Variants in TOPAZ1 observed in about 807,000 individuals in gnomAD.
The protein encoded by TOPAZ1 is protein TOPAZ1.
In TOPAZ1, 66 loss-of-function variants were observed where a neutral mutation model predicts 172.2. The observed-to-expected ratio is 0.38, with a 90% CI of 0.31 to 0.47. The LOEUF is 0.47. Ranked by LOEUF, TOPAZ1 falls within the 20% of genes least tolerant of loss-of-function variation. TOPAZ1 has a pLI of 0.99. For synonymous variants in TOPAZ1, 681 were observed against 683.9 expected (o/e 1.00, Z 0.07); for missense variants, 1,822 against 1,972.4 (o/e 0.92, Z 1.44).
At chr3:44,255,668 TATACACACACACACACACAC>T (rs1699692367) in intron 3 of TOPAZ1, among the ~76,000 whole-genome samples, 1 of 30,312 alleles carries the variant, frequency 3.3e-5, no homozygotes, top group Non-Finnish European at 6.4e-5. Context: ...AAAAAATATA[TATACACACACACACACACAC>T]ACACACACAC....
At chr3:44,283,727 G>A (rs1431333645) in intron 9 of TOPAZ1, among the ~76,000 whole-genome samples, 11 of 152,068 alleles carry the variant, frequency 7.2e-5, no homozygotes. Flanking sequence ...ATATATGTGT[G>A]TGTACACACA....
Position 44,331,833 on chromosome 3 carries a change from C to G in TOPAZ1, c.4901C>G (p.Ala1634Gly). The change falls in exon 20 of 20, where the codon GCT becomes GGT. Residue 1634 changes from alanine (A) to glycine (G), a missense_variant. Ala to Gly is a moderately conservative substitution (Grantham distance 60). Around this residue, in one of 2 missense-constraint regions of TOPAZ1, gnomAD observed 333 missense variants for 481.7 expected, o/e 0.69. Transcript: ENST00000309765. ...NQSRSNDDYQ[A>G]AVERLIMAAR... ...TCTCGGAGCAATGATGATTATCAAG[C>G]TGCAGTAGAAAGGTTAATTATGGCT... 6.4e-7 allele frequency: 1 copy of G among 1,552,058 alleles called. No homozygotes were observed. The highest frequency in any genetic ancestry group is 8.7e-7 in the Non-Finnish European group (1 of 1,147,088).
chr3:44,320,214 A>C (rs1700493280), intron 16 of TOPAZ1, among the ~76,000 whole-genome samples: 1 of 152,142 alleles, frequency 6.6e-6, no homozygotes. Flanking sequence ...AGTTAATTTT[A>C]TTATTATGCT....
At chr3:44,257,805 A>C (rs1017291126) in intron 4 of TOPAZ1, among the ~76,000 whole-genome samples, 1 of 152,120 alleles carries the variant, frequency 6.6e-6, no homozygotes. Context: ...TATTTTATCA[A>C]ATATGCAGAT....
rs1699536713 is a variant in TOPAZ1, at chr3:44,244,567, T to C, written c.2061T>C (p.Phe687=). 4.5e-6 allele frequency: 7 copies of C among 1,549,314 alleles called. No homozygotes were observed. Among genetic ancestry groups the C allele is most frequent in the Admixed American group, 2.0e-5 (1 of 50,534 alleles). Residue 687 remains phenylalanine (F), a synonymous_variant, in exon 2 of 20, where the codon TTT becomes TTC. Coordinates refer to ENST00000309765, the MANE Select transcript of TOPAZ1 (RefSeq NM_001145030.2). ...KILNTGRLTN[F]KIPLLKNKSE... ...TGAACACAGGACGGCTGACTAATTT[T>C]AAAATTCCTTTACTTAAGAATAAAT...
intron 16 of TOPAZ1, among the ~76,000 whole-genome samples, chr3:44,320,319 C>T (rs1374429790): frequency 1.3e-5 from 2 of 152,060 alleles, no homozygotes; most frequent in East Asian, 1.9e-4. Context: ...ATTCGCTGGT[C>T]GGGCGCAGTG....
chr3:44,297,278 G>A lies in TOPAZ1; in HGVS notation c.3797+6392G>A, dbSNP rs139268966. Reference sequence around the variant, plus strand: ...ACTACCATATTGAATCCAGGAATTTGTAAAAAGAATTATACACCATTATCA... The same window carrying A: ...ACTACCATATTGAATCCAGGAATTTATAAAAAGAATTATACACCATTATCA... On this transcript the variant is annotated intron_variant, in intron 12 of 19. Coordinates refer to ENST00000309765, the MANE Select transcript of TOPAZ1 (RefSeq NM_001145030.2). Among the ~76,000 whole-genome samples the A allele has an allele frequency of 7.0e-4, 106 of 152,050 alleles. 1 individual carries two copies. The East Asian group carries it at 0.018, about 26-fold the overall frequency.
At chr3:44,322,061 T>C (rs1356790988) in intron 17 of TOPAZ1, among the ~76,000 whole-genome samples, 3 of 152,192 alleles carry the variant, frequency 2.0e-5, no homozygotes, top group Non-Finnish European at 2.9e-5. Context: ...GGGAGTGATA[T>C]AATGAAATTG....
rs946351926 is a variant in TOPAZ1, at chr3:44,270,682, T to C, written c.3247-3T>C. On this transcript the variant is annotated splice_polypyrimidine_tract_variant and splice_region_variant and intron_variant, in intron 7 of 19. Transcript: ENST00000309765. ...CAGAAAGTGAATCTTTCTAATTTTC[T>C]AGGTGTTCCAGAAGTCCCTAGGGTT... is the stretch of plus-strand genomic sequence containing the variant. 1.4e-5 allele frequency: 22 copies of C among 1,536,168 alleles called. No homozygotes were observed. The South Asian group carries it at 2.6e-4, about 18-fold the overall frequency.
chr3:44,302,041 T>C (rs1481685139), intron 12 of TOPAZ1, among the ~76,000 whole-genome samples: 1 of 152,204 alleles, frequency 6.6e-6, no homozygotes, highest in Non-Finnish European at 1.5e-5. Context: ...TTTTTTCTCT[T>C]AGGTATGTTA....
intron 7 of TOPAZ1, 45 bp from the exon 8 acceptor site, chr3:44,270,640 G>A (rs1231541077): frequency 1.4e-6 from 2 of 1,453,800 alleles, no homozygotes; most frequent in African/African-American, 2.8e-5. Context: ...ACTATAGTAA[G>A]TGCTTTACAG....
At chr3:44,323,344 T>G in intron 18 of TOPAZ1, 49 bp downstream of exon 18, 4 of 1,168,830 alleles carry the variant, frequency 3.4e-6, no homozygotes, top group Non-Finnish European at 4.8e-6. Context: ...AATTGTATTC[T>G]CTAACCCAGA....
intron 18 of TOPAZ1, among the ~76,000 whole-genome samples, chr3:44,324,152 A>T (rs1312242359): frequency 6.6e-6 from 1 of 152,200 alleles, no homozygotes; most frequent in Non-Finnish European, 1.5e-5. Context: ...AGGGTACATT[A>T]CAGGTAGTAA....
chr3:44,279,258 G>A lies in TOPAZ1; in HGVS notation c.3373-2710G>A, dbSNP rs552415785. Among the ~76,000 whole-genome samples the A allele has an allele frequency of 2.6e-5, 4 of 152,208 alleles. No individual in the cohort carries two copies. In the South Asian group the frequency reaches 8.3e-4, roughly 32 times the overall value. The stretch of plus-strand genomic sequence containing the variant: ...TATTCTAACATATGGTCTAAAAAAT[G>A]TTCCATGTGCTGATGAGAAGAATGT... On this transcript the variant is annotated intron_variant, in intron 8 of 19. Transcript: ENST00000309765.
chr3:44,299,957 T>TGG (rs59025711), intron 12 of TOPAZ1, among the ~76,000 whole-genome samples: 52 of 94,268 alleles, frequency 5.5e-4, no homozygotes, highest in Admixed American at 8.5e-4. Flanking sequence ...TGTTGTGGGG[T>TGG]GGGGGGAGGG....
intron 19 of TOPAZ1, among the ~76,000 whole-genome samples, chr3:44,330,535 C>T (rs1332109560): frequency 2.0e-5 from 3 of 152,144 alleles, no homozygotes; most frequent in African/African-American, 4.8e-5. Context: ...ACCAGATTCC[C>T]GGGCACCTCT....
chr3:44,290,345 A>G (rs1261134485), intron 11 of TOPAZ1, among the ~76,000 whole-genome samples: 1 of 152,220 alleles, frequency 6.6e-6, no homozygotes, highest in Non-Finnish European at 1.5e-5. Flanking sequence ...GCTATGTTAC[A>G]TGTGGGCAGT....
intron 4 of TOPAZ1, 79 bp from the exon 5 acceptor site, chr3:44,262,340 T>C: frequency 1.6e-6 from 1 of 616,544 alleles, no homozygotes; most frequent in Non-Finnish European, 2.6e-6. Context: ...TACATTATAA[T>C]AAATCCAGTA....
rs757079281 is a variant in TOPAZ1 at position 44,290,886 on chromosome 3, G to A, written c.3797G>A (p.Arg1266Lys). ...ACTGCAGTTCTGGAAATGAAATCGA[G>A]GTGAGAAAAATCATTATTATTTAAG... is the stretch of plus-strand genomic sequence containing the variant. ...EITAVLEMKS[R>K]LQMRRFKKNW... Residue 1266 changes from arginine to lysine, a missense_variant and splice_region_variant, in exon 12 of 20, where the codon AGG (arginine) becomes AAG (lysine). By Grantham distance (26) the Arg-to-Lys change is conservative. Transcript: ENST00000309765. 6 of 1,532,436 alleles carry A rather than the reference G, an allele frequency of 3.9e-6. No homozygotes were observed. In the South Asian group the frequency reaches 6.1e-5, roughly 16 times the overall value. 94.9% of individuals were successfully genotyped at this position (1,532,436 alleles called of 1,614,324 possible).
Sources: gnomAD v4.1 joint callset for allele counts (sites outside exome capture counted in the v4.1 genomes callset) on GRCh38, gnomAD v4.1.1 for gene constraint, gnomAD v4.1.1 regional missense constraint, MANE v1.5 for transcripts, NCBI Gene and HGNC (gene_info 2026-07-23, HGNC 2026-07-21) for gene names.